The following AGBL1 variants were observed in gnomAD, a reference collection of about 807,000 sequenced individuals.
AGBL1 encodes AGBL carboxypeptidase 1, also known as cytosolic carboxypeptidase 4.
Under a neutral mutation model 118.9 loss-of-function variants are expected in AGBL1, and 130 were observed. That is an observed-to-expected ratio of 1.09 (90% confidence interval 0.95 to 1.26). The LOEUF is 1.26. Among genes scored for constraint, AGBL1 ranks in the 50% most tolerant of loss-of-function variants. The pLI is 0.00. For missense variants in AGBL1, 1,584 were observed against 1,298.1 expected (o/e 1.22, Z -3.38); for synonymous variants, 555 against 478.9 (o/e 1.16, Z -2.08).
intron 18 of AGBL1, among the ~76,000 whole-genome samples, chr15:86,462,259 T>C (rs926488477): frequency 6.6e-6 from 1 of 152,124 alleles, no homozygotes; most frequent in Non-Finnish European, 1.5e-5. Context: ...TGGAGGGCCA[T>C]ATCTGGGGCA....
intron 21 of AGBL1, among the ~76,000 whole-genome samples, chr15:86,625,520 A>G (rs2084874088): frequency 6.6e-6 from 1 of 151,810 alleles, no homozygotes; most frequent in Non-Finnish European, 1.5e-5. Context: ...GTGTTCATTT[A>G]CAAACTACAC....
At chr15:86,726,525 G>A (rs777679126) in intron 22 of AGBL1, among the ~76,000 whole-genome samples, 2 of 152,118 alleles carry the variant, frequency 1.3e-5, no homozygotes, top group Non-Finnish European at 2.9e-5. Flanking sequence ...CATAGTGTTT[G>A]GCACAATACG....
chr15:86,752,929 AC>A, intron 22 of AGBL1, among the ~76,000 whole-genome samples: 1 of 152,126 alleles, frequency 6.6e-6, no homozygotes, highest in East Asian at 1.9e-4. Flanking sequence ...ATTTTCACAT[AC>A]AAAATTTCCT....
chr15:86,140,645 T>C (rs921149280), intron 1 of AGBL1, among the ~76,000 whole-genome samples: 2 of 152,058 alleles, frequency 1.3e-5, no homozygotes, highest in African/African-American at 2.4e-5. Context: ...GATGTGGAGA[T>C]AGAAGGGACT....
chr15:86,638,431 C>T (rs559600263), intron 21 of AGBL1, among the ~76,000 whole-genome samples: 2 of 152,256 alleles, frequency 1.3e-5, no homozygotes, highest in African/African-American at 4.8e-5. Context: ...ATGGGTGCCG[C>T]GTTCAGGCTG....
intron 17 of AGBL1, among the ~76,000 whole-genome samples, chr15:86,300,211 A>G (rs1243257663): frequency 6.6e-6 from 1 of 152,074 alleles, no homozygotes; most frequent in Non-Finnish European, 1.5e-5. Context: ...GGCTACTATC[A>G]TTTTTTTAAC....
intron 4 of AGBL1, among the ~76,000 whole-genome samples, chr15:86,156,986 C>T (rs1356242893): frequency 2.0e-5 from 3 of 151,924 alleles, no homozygotes; most frequent in Non-Finnish European, 2.9e-5. Context: ...GACGGAGTTT[C>T]ACCATGTTGG....
intron 21 of AGBL1, among the ~76,000 whole-genome samples, chr15:86,651,742 G>T (rs544848746): frequency 6.6e-6 from 1 of 152,304 alleles, no homozygotes; most frequent in African/African-American, 2.4e-5. Context: ...CTCTCTGAGT[G>T]TTGATATCTT....
chr15:86,687,098 A>G (rs557926424), intron 22 of AGBL1, among the ~76,000 whole-genome samples: 1 of 152,242 alleles, frequency 6.6e-6, no homozygotes, highest in South Asian at 2.1e-4. Context: ...CCAGATATCA[A>G]TGGCAAAAAA....
chr15:86,583,479 C>G (rs2084202605), intron 21 of AGBL1, among the ~76,000 whole-genome samples: 1 of 152,120 alleles, frequency 6.6e-6, no homozygotes, highest in Non-Finnish European at 1.5e-5. Flanking sequence ...ATTGTGGCCT[C>G]CAGTTGCATC....
At chr15:86,417,737 A>G (rs925928940) in intron 18 of AGBL1, among the ~76,000 whole-genome samples, 1 of 152,184 alleles carries the variant, frequency 6.6e-6, no homozygotes, top group Non-Finnish European at 1.5e-5. Flanking sequence ...GAGGTGTCAG[A>G]GCATGCTGGT....
At chr15:86,550,231 T>C (rs568738554) in intron 20 of AGBL1, among the ~76,000 whole-genome samples, 1 of 152,122 alleles carries the variant, frequency 6.6e-6, no homozygotes, top group African/African-American at 2.4e-5. Context: ...ACAAAACATA[T>C]ATGAGACATA....
At chr15:86,148,103 T>A (rs1009876534) in intron 3 of AGBL1, among the ~76,000 whole-genome samples, 4 of 152,270 alleles carry the variant, frequency 2.6e-5, no homozygotes, top group African/African-American at 9.6e-5. Flanking sequence ...AAAGATCATC[T>A]ACACCAAAAC....
At chr15:86,494,141 G>A (rs1247746594) in intron 18 of AGBL1, among the ~76,000 whole-genome samples, 1 of 152,054 alleles carries the variant, frequency 6.6e-6, no homozygotes, top group Non-Finnish European at 1.5e-5. Context: ...TGTTTATCAA[G>A]AGTATTTTCT....
At chr15:86,272,107 T>C (rs948042080) in intron 15 of AGBL1, among the ~76,000 whole-genome samples, 2 of 152,314 alleles carry the variant, frequency 1.3e-5, no homozygotes, top group Non-Finnish European at 2.9e-5. Context: ...GGTTTAGTTT[T>C]CCAAAGTACA....
chr15:86,251,931 AAAG>A (rs1442890556), intron 7 of AGBL1, among the ~76,000 whole-genome samples: 1 of 152,196 alleles, frequency 6.6e-6, no homozygotes, highest in East Asian at 1.9e-4. Context: ...TAATCAGAGA[AAAG>A]AACCACTCTT....
At chr15:86,463,125 G>C (rs972725464) in intron 18 of AGBL1, among the ~76,000 whole-genome samples, 1 of 152,014 alleles carries the variant, frequency 6.6e-6, no homozygotes, top group East Asian at 1.9e-4. Flanking sequence ...TTTAATGATC[G>C]CCATTCTAAC....
At chr15:86,334,682 A>G (rs561283273) in intron 17 of AGBL1, among the ~76,000 whole-genome samples, 2 of 152,296 alleles carry the variant, frequency 1.3e-5, no homozygotes, top group African/African-American at 4.8e-5. Context: ...ATATGGAACC[A>G]AAAAACAGCC....
chr15:86,675,422 G>C, intron 22 of AGBL1, among the ~76,000 whole-genome samples: 1 of 152,100 alleles, frequency 6.6e-6, no homozygotes, highest in Non-Finnish European at 1.5e-5. Flanking sequence ...ATACTGCTTT[G>C]GAAGGCCGTG....
Sources: gnomAD v4.1 joint callset for allele counts (sites outside exome capture counted in the v4.1 genomes callset) on GRCh38, gnomAD v4.1.1 for gene constraint, MANE v1.5 for transcripts, NCBI Gene and HGNC (gene_info 2026-07-23, HGNC 2026-07-21) for gene names.